The following TMEM117 variants were observed in gnomAD, a reference collection of about 807,000 sequenced individuals.
The protein encoded by TMEM117 is transmembrane protein 117.
In TMEM117, 27 loss-of-function variants were observed where a neutral mutation model predicts 52.4. The observed-to-expected ratio is 0.51, with a 90% CI of 0.38 to 0.71. TMEM117 has a LOEUF of 0.71. Ranked by LOEUF, TMEM117 falls within the 30% of genes least tolerant of loss-of-function variation. The pLI is 0.00. For synonymous variants in TMEM117, 215 were observed against 206.3 expected (o/e 1.04, Z -0.36); for missense variants, 556 against 630.5 (o/e 0.88, Z 1.26).
intron 4 of TMEM117, among the ~76,000 whole-genome samples, chr12:44,165,581 C>A (rs2138267046): frequency 6.6e-6 from 1 of 152,222 alleles, no homozygotes; most frequent in East Asian, 1.9e-4. Context: ...AGTAGCTATA[C>A]TTAGATAAAA....
the TMEM117 span, chr12:43,800,360 AATTACCC>A: frequency 9.9e-7 from 1 of 1,012,058 alleles, no homozygotes; most frequent in East Asian, 2.5e-5. Context: ...AATTCGTATC[AATTACCC>A]ATTACCTAGG....
At chr12:43,810,743 G>T in the TMEM117 span, among the ~76,000 whole-genome samples, 2 of 152,194 alleles carry the variant, frequency 1.3e-5, no homozygotes, top group African/African-American at 4.8e-5. Flanking sequence ...CTTTGGAGCT[G>T]CCTGAAAATC....
intron 3 of TMEM117, among the ~76,000 whole-genome samples, chr12:43,998,205 A>G (rs1180522372): frequency 1.3e-5 from 2 of 152,244 alleles, no homozygotes; most frequent in Non-Finnish European, 2.9e-5. Context: ...CACAGGACTT[A>G]AATTACTGCT....
At chr12:44,362,261 T>A (rs17094532) in intron 6 of TMEM117, among the ~76,000 whole-genome samples, 14,222 of 152,156 alleles carry the variant, frequency 0.093, 1,701 homozygotes, top group African/African-American at 0.28. Context: ...CAACCATAGC[T>A]CATATCACAG....
At chr12:44,139,840 T>C (rs1178876915) in intron 3 of TMEM117, among the ~76,000 whole-genome samples, 1 of 152,158 alleles carries the variant, frequency 6.6e-6, no homozygotes, top group Non-Finnish European at 1.5e-5. Flanking sequence ...CAATGTGATA[T>C]TCAAACTGGC....
chr12:43,852,430 C>CAA (rs34031222), intron 2 of TMEM117, among the ~76,000 whole-genome samples: 3 of 150,810 alleles, frequency 2.0e-5, no homozygotes, highest in East Asian at 2.0e-4. Context: ...GACTCCATCT[C>CAA]AAAAAAAAAC....
chr12:43,890,134 G>A (rs1323756059), intron 2 of TMEM117, among the ~76,000 whole-genome samples: 1 of 152,142 alleles, frequency 6.6e-6, no homozygotes, highest in Non-Finnish European at 1.5e-5. Context: ...TTCATGACAT[G>A]TTCTATAATA....
At chr12:44,317,319 CTTTG>C (rs1227015138) in intron 6 of TMEM117, among the ~76,000 whole-genome samples, 3 of 134,386 alleles carry the variant, frequency 2.2e-5, no homozygotes, top group Non-Finnish European at 4.9e-5. Context: ...TTTAATTTTT[CTTTG>C]TTTTTCTCCC....
intron 3 of TMEM117, among the ~76,000 whole-genome samples, chr12:44,132,273 G>GCA (rs1462863358): frequency 6.7e-6 from 1 of 149,520 alleles, no homozygotes; most frequent in Non-Finnish European, 1.5e-5. Context: ...GTGTATGTAC[G>GCA]CACACACACA....
intron 6 of TMEM117, among the ~76,000 whole-genome samples, chr12:44,306,849 TTAAC>T (rs1331989698): frequency 1.3e-5 from 2 of 152,354 alleles, no homozygotes; most frequent in African/African-American, 2.4e-5. Context: ...CTTACAGTAA[TTAAC>T]TATCTAAATA....
At chr12:44,152,509 T>C (rs1443147602) in intron 4 of TMEM117, among the ~76,000 whole-genome samples, 180 of 112,266 alleles carry the variant, frequency 1.6e-3, no homozygotes, top group Non-Finnish European at 2.1e-3. Context: ...AATTATATCA[T>C]ATATAAATTT....
intron 1 of TMEM117, among the ~76,000 whole-genome samples, chr12:43,843,967 C>T (rs1047472909): frequency 1.3e-5 from 2 of 152,196 alleles, no homozygotes; most frequent in Admixed American, 1.3e-4. Flanking sequence ...GGGATTTGGG[C>T]AGAGGAGAGA....
intron 5 of TMEM117, among the ~76,000 whole-genome samples, chr12:44,292,348 T>C (rs1416378671): frequency 6.6e-6 from 1 of 151,992 alleles, no homozygotes; most frequent in Non-Finnish European, 1.5e-5. Context: ...CTTCTTTTTT[T>C]CTTGGTTGGT....
chr12:44,154,831 G>A (rs1948805266), intron 4 of TMEM117, among the ~76,000 whole-genome samples: 1 of 150,168 alleles, frequency 6.7e-6, no homozygotes, highest in Non-Finnish European at 1.5e-5. Flanking sequence ...AATATTCCTG[G>A]TACTTCTGCA....
chr12:43,932,554 A>T (rs1172263389), intron 2 of TMEM117, among the ~76,000 whole-genome samples: 1 of 152,206 alleles, frequency 6.6e-6, no homozygotes, highest in Non-Finnish European at 1.5e-5. Context: ...CTTAAAGTAC[A>T]TCAAAAGAGT....
chr12:44,233,095 G>C (rs1376927005), intron 5 of TMEM117, among the ~76,000 whole-genome samples: 1 of 151,052 alleles, frequency 6.6e-6, no homozygotes, highest in Non-Finnish European at 1.5e-5. Context: ...ACTGTTTTCA[G>C]TTCTTTTATC....
rs373351062 is a variant in TMEM117, at chr12:44,115,124, C to A, written c.411-28401C>A. ...CTTCTGCATACATGGCAGACATTGC[C>A]AATCCTTTAAAATCCTCTACTCTAT... is the stretch of plus-strand genomic sequence containing the variant. On this transcript the variant is annotated intron_variant, in intron 3 of 7. Transcript: ENST00000266534. Among the ~76,000 whole-genome samples, 499 of 152,252 alleles carry A rather than the reference C, an allele frequency of 3.3e-3. 3 individuals are homozygous for A. The highest frequency in any genetic ancestry group is 0.011 in the African/African-American group (474 of 41,544).
At chr12:44,065,857 C>T (rs1013710750) in intron 3 of TMEM117, among the ~76,000 whole-genome samples, 4 of 152,174 alleles carry the variant, frequency 2.6e-5, no homozygotes, top group Admixed American at 6.5e-5. Flanking sequence ...CCTCTCTCTA[C>T]GTTAATGATG....
chr12:44,289,390 G>C (rs1950675007), intron 5 of TMEM117, among the ~76,000 whole-genome samples: 1 of 151,816 alleles, frequency 6.6e-6, no homozygotes, highest in Admixed American at 6.6e-5. Context: ...TGACTTAATT[G>C]CCTTTAGATA....
Sources: allele counts gnomAD v4.1 joint callset (sites outside exome capture counted in the v4.1 genomes callset), GRCh38; gene constraint gnomAD v4.1.1; transcripts MANE v1.5; gene names NCBI Gene and HGNC (gene_info 2026-07-23, HGNC 2026-07-21).